Variants in KIF16B observed in about 807,000 individuals in gnomAD.
The protein encoded by KIF16B is kinesin-like protein KIF16B.
In KIF16B, 98 loss-of-function variants were observed where a neutral mutation model predicts 156.3. The observed-to-expected ratio is 0.63, with a 90% CI of 0.53 to 0.74. The LOEUF is 0.74. Ranked by LOEUF, KIF16B falls within the 30% of genes least tolerant of loss-of-function variation. KIF16B has a pLI of 0.00. For synonymous variants in KIF16B, 564 were observed against 583.7 expected (o/e 0.97, Z 0.49); for missense variants, 1,421 against 1,606.5 (o/e 0.88, Z 1.97).
intron 3 of KIF16B, among the ~76,000 whole-genome samples, chr20:16,523,528 T>C (rs2069424910): frequency 6.6e-6 from 1 of 151,992 alleles, no homozygotes; most frequent in African/African-American, 2.4e-5. Context: ...CTCAAAGAAA[T>C]AAGAGAGGAC....
At chr20:16,354,310 G>C (rs2064393993) in intron 23 of KIF16B, among the ~76,000 whole-genome samples, 1 of 151,998 alleles carries the variant, frequency 6.6e-6, no homozygotes, top group Non-Finnish European at 1.5e-5. Context: ...TAAAATCATT[G>C]CATGTACCTC....
chr20:16,464,437 G>T lies in KIF16B; in HGVS notation c.1302+29854C>A, dbSNP rs2067431109. Reference sequence around the variant, plus strand: ...GTATTTTTAACATTGGTGATGGTGGGTATCAAATCTCTAGGGTTTTAGATT... The same window carrying T: ...GTATTTTTAACATTGGTGATGGTGGTTATCAAATCTCTAGGGTTTTAGATT... On this transcript the variant is annotated intron_variant, in intron 12 of 25. Coordinates refer to ENST00000354981, the MANE Select transcript of KIF16B (RefSeq NM_024704.5). Among the ~76,000 whole-genome samples, 3 of 152,118 alleles carry T rather than the reference G, an allele frequency of 2.0e-5. No individual in the cohort carries two copies. In the South Asian group the frequency reaches 6.2e-4, roughly 32 times the overall value.
chr20:16,411,932 G>A (rs925047649), intron 15 of KIF16B, among the ~76,000 whole-genome samples: 2 of 80,814 alleles, frequency 2.5e-5, no homozygotes, highest in African/African-American at 9.3e-5. Flanking sequence ...TGTTCAACGT[G>A]TGTGTGTGTG....
At chr20:16,340,150 G>A (rs1301649619) in intron 23 of KIF16B, among the ~76,000 whole-genome samples, 1 of 152,162 alleles carries the variant, frequency 6.6e-6, no homozygotes, top group Non-Finnish European at 1.5e-5. Flanking sequence ...TACACAGCAA[G>A]TATGGCCTTA....
intron 24 of KIF16B, 135 bp downstream of exon 24, chr20:16,335,791 G>GTAAGACTTAGTGATA: frequency 1.9e-6 from 1 of 519,612 alleles, no homozygotes; most frequent in Admixed American, 3.6e-5. Flanking sequence ...GGTTATTGAA[G>GTAAGACTTAGTGATA]TAAGACTTAG....
chr20:16,424,504 A>G (rs2066306076), intron 15 of KIF16B, among the ~76,000 whole-genome samples: 1 of 152,150 alleles, frequency 6.6e-6, no homozygotes, highest in Non-Finnish European at 1.5e-5. Flanking sequence ...CCTATGTCAC[A>G]ACAGACTCAA....
At chr20:16,514,061 A>G (rs1225089242) in intron 4 of KIF16B, among the ~76,000 whole-genome samples, 2 of 152,244 alleles carry the variant, frequency 1.3e-5, no homozygotes, top group African/African-American at 4.8e-5. Context: ...TTACTTTAAA[A>G]TGAAGAAAGG....
intron 25 of KIF16B, among the ~76,000 whole-genome samples, chr20:16,311,429 A>G (rs1285969055): frequency 6.6e-6 from 1 of 152,230 alleles, no homozygotes; most frequent in Non-Finnish European, 1.5e-5. Flanking sequence ...TGGAGGTTGC[A>G]GTGAGCTGAG....
Position 16,404,811 on chromosome 20 carries a change from A to G in KIF16B, c.1784+2T>C. Reference sequence around the variant, plus strand: ...GGGAAGGAGATGCTGCTGTTCACTCACCCGGGGTTATACAACATGACTGCA... The same window carrying G: ...GGGAAGGAGATGCTGCTGTTCACTCGCCCGGGGTTATACAACATGACTGCA... On this transcript the variant is annotated splice_donor_variant, in intron 17 of 25. Transcript: ENST00000354981. LOFTEE classifies it high-confidence loss of function. The G allele has an allele frequency of 1.3e-6, 2 of 1,598,582 alleles. No individual in the cohort carries two copies. Among genetic ancestry groups the G allele is most frequent in the Non-Finnish European group, 8.6e-7 (1 of 1,166,324 alleles).
intron 5 of KIF16B, among the ~76,000 whole-genome samples, chr20:16,512,091 G>A (rs2068973032): frequency 6.6e-6 from 1 of 151,976 alleles, no homozygotes; most frequent in Admixed American, 6.6e-5. Context: ...AGGTTGCAAT[G>A]AGCCAAGAGT....
At chr20:16,365,477 C>T (rs1404612071) in intron 22 of KIF16B, among the ~76,000 whole-genome samples, 1 of 152,072 alleles carries the variant, frequency 6.6e-6, no homozygotes, top group East Asian at 1.9e-4. Context: ...CCAATTGCCT[C>T]AAAAAACCAA....
intron 25 of KIF16B, among the ~76,000 whole-genome samples, chr20:16,308,483 T>TA (rs907150181): frequency 6.6e-5 from 10 of 152,192 alleles, no homozygotes; most frequent in African/African-American, 2.2e-4. Context: ...ATTCCAAACT[T>TA]AGAGTATGCT....
At chr20:16,293,034 A>G (rs1403280383) in intron 25 of KIF16B, among the ~76,000 whole-genome samples, 2 of 152,200 alleles carry the variant, frequency 1.3e-5, no homozygotes, top group African/African-American at 4.8e-5. Context: ...AGAGATAGAA[A>G]ATACAGGAGA....
At chr20:16,421,544 C>T (rs184556598) in intron 15 of KIF16B, among the ~76,000 whole-genome samples, 2 of 152,152 alleles carry the variant, frequency 1.3e-5, no homozygotes, top group East Asian at 1.9e-4. Flanking sequence ...TTTAATAATC[C>T]ACAAACATCA....
At chr20:16,440,708 C>A (rs77880775) in intron 12 of KIF16B, among the ~76,000 whole-genome samples, 17,243 of 152,126 alleles carry the variant, frequency 0.11, 1,199 homozygotes, top group Non-Finnish European at 0.17. Context: ...ACATTACTGG[C>A]AGTCAGCCCC....
At position 16,437,977 on chromosome 20, in the gene KIF16B, A is replaced by T. The variant is rs8118335; in HGVS notation, c.1303-7995T>A. 3.3e-5 allele frequency among the ~76,000 whole-genome samples: 4 copies of T among 121,824 alleles called. No individual in the cohort carries two copies. In the East Asian group the frequency reaches 6.6e-4, roughly 20 times the overall value. 79.9% of individuals were successfully genotyped at this position (121,824 alleles called of 152,430 possible). A position where few individuals can be genotyped will look rare whatever the true frequency, so the allele number is the denominator to read the frequency against. ...GTGAAACCCCATCTCTACTAAAAAT[A>T]AAAAAAAATAATAAAAAAAAAAAAA... On this transcript the variant is annotated intron_variant, in intron 12 of 25. Transcript: ENST00000354981.
In KIF16B at chr20:16,548,918, T is replaced by G. The variant is rs919050585; in HGVS notation, c.48-20478A>C. 4.4e-4 allele frequency among the ~76,000 whole-genome samples: 67 copies of G among 151,794 alleles called. 1 individual carries two copies. Among genetic ancestry groups the G allele is most frequent in the African/African-American group, 1.6e-3 (66 of 41,384 alleles). On this transcript the variant is annotated intron_variant, in intron 1 of 25. Transcript: ENST00000354981. ...CCCAAAATACTGAAAACACTAATGC[T>G]GTAGAAAAGCAGCAAAGGGAAATGG...
intron 23 of KIF16B, among the ~76,000 whole-genome samples, chr20:16,347,617 G>C (rs984780704): frequency 4.6e-5 from 7 of 152,312 alleles, no homozygotes; most frequent in African/African-American, 7.2e-5. Context: ...TTTGCAAAGA[G>C]ATGGGATGGG....
At chr20:16,305,774 A>G (rs1041072854) in intron 25 of KIF16B, among the ~76,000 whole-genome samples, 11 of 152,124 alleles carry the variant, frequency 7.2e-5, no homozygotes, top group Non-Finnish European at 2.9e-5. Context: ...AGAACATGCA[A>G]TATTTGTCTT....
Sources: allele counts gnomAD v4.1 joint callset (sites outside exome capture counted in the v4.1 genomes callset), GRCh38; gene constraint gnomAD v4.1.1; transcripts MANE v1.5; gene names NCBI Gene and HGNC (gene_info 2026-07-23, HGNC 2026-07-21).